The following SIPA1L1 variants were observed in gnomAD, a reference collection of about 807,000 sequenced individuals.
SIPA1L1 encodes signal induced proliferation associated 1 like 1, also known as signal-induced proliferation-associated 1-like protein 1.
SIPA1L1 carries 26 observed loss-of-function variants against 162.7 expected under a neutral mutation model. That is an observed-to-expected ratio of 0.16 (90% confidence interval 0.12 to 0.22). The LOEUF (loss-of-function observed/expected upper bound fraction) is 0.22, where lower values mean the gene tolerates loss of function less well. Ranked by LOEUF, SIPA1L1 falls within the 10% of genes least tolerant of loss-of-function variation. SIPA1L1 has a pLI of 1.00. For synonymous variants in SIPA1L1, 829 were observed against 837.4 expected (o/e 0.99, Z 0.17); for missense variants, 1,874 against 2,241.0 (o/e 0.84, Z 3.31).
At chr14:71,683,557 C>T (rs568492633) in intron 12 of SIPA1L1, among the ~76,000 whole-genome samples, 196 of 152,264 alleles carry the variant, frequency 1.3e-3, no homozygotes, top group African/African-American at 4.6e-3. Flanking sequence ...AAACGAAAGG[C>T]TGTAGTCACA....
intron 2 of SIPA1L1, among the ~76,000 whole-genome samples, chr14:71,355,594 G>T (rs992772645): frequency 3.9e-5 from 6 of 152,196 alleles, no homozygotes; most frequent in Non-Finnish European, 5.9e-5. Flanking sequence ...GATGTTTATT[G>T]TATCCTCTTC....
chr14:71,529,715 G>A (rs2053247009), intron 4 of SIPA1L1, among the ~76,000 whole-genome samples: 1 of 152,194 alleles, frequency 6.6e-6, no homozygotes, highest in African/African-American at 2.4e-5. Flanking sequence ...ATTAGGAGCA[G>A]TCTCATTTCT....
intron 19 of SIPA1L1, 56 bp downstream of exon 19, chr14:71,724,891 G>A (rs1262664420): frequency 6.7e-7 from 1 of 1,483,470 alleles, no homozygotes. Context: ...ACATGATGGG[G>A]CTATTAACCA....
intron 2 of SIPA1L1, among the ~76,000 whole-genome samples, chr14:71,442,202 A>G (rs1260102038): frequency 6.7e-6 from 1 of 150,010 alleles, no homozygotes; most frequent in Non-Finnish European, 1.5e-5. Context: ...AAAAAAAAGA[A>G]GTAACTTAAA....
chr14:71,685,252 GA>G lies in SIPA1L1; in HGVS notation c.3105-109del, dbSNP rs1283416509. 6.1e-5 allele frequency: 73 copies of G among 1,206,136 alleles called. 3 individuals are homozygous for G. The South Asian group carries it at 7.0e-4, about 12-fold the overall frequency. The allele number at this position is 1,206,136 out of a possible 1,614,324, so 74.7% of individuals were successfully genotyped here. Reference sequence around the variant, plus strand: ...AAAGATTGAAAGGTGGTTTGAAACAGAGGGTGAAATTGTGGATCCATTTTTA... The same window carrying G: ...AAAGATTGAAAGGTGGTTTGAAACAGGGGTGAAATTGTGGATCCATTTTTA... On this transcript the variant is annotated intron_variant, in intron 12 of 23. Coordinates refer to ENST00000381232, the MANE Select transcript of SIPA1L1 (RefSeq NM_001386936.1).
At chr14:71,636,908 G>A (rs938897013) in intron 7 of SIPA1L1, among the ~76,000 whole-genome samples, 1 of 151,720 alleles carries the variant, frequency 6.6e-6, no homozygotes, top group African/African-American at 2.4e-5. Flanking sequence ...AAAATTAGCC[G>A]GGCATGGTGG....
intron 2 of SIPA1L1, among the ~76,000 whole-genome samples, chr14:71,340,101 C>G (rs1021506250): frequency 6.6e-6 from 1 of 152,184 alleles, no homozygotes; most frequent in Non-Finnish European, 1.5e-5. Flanking sequence ...ACTTATAATT[C>G]GTTTTAAACA....
At chr14:71,339,897 C>T (rs1256222436) in intron 2 of SIPA1L1, among the ~76,000 whole-genome samples, 1 of 152,128 alleles carries the variant, frequency 6.6e-6, no homozygotes, top group African/African-American at 2.4e-5. Context: ...ATATTGAGTT[C>T]CTGTTACAGA....
At chr14:71,428,574 G>A (rs1482561453) in intron 2 of SIPA1L1, among the ~76,000 whole-genome samples, 1 of 152,028 alleles carries the variant, frequency 6.6e-6, no homozygotes, top group Non-Finnish European at 1.5e-5. Flanking sequence ...TTAATGTCTG[G>A]CCCTTAAAAG....
intron 20 of SIPA1L1, among the ~76,000 whole-genome samples, 198 bp downstream of exon 20, chr14:71,730,499 A>G (rs1276862631): frequency 2.0e-5 from 3 of 152,188 alleles, no homozygotes; most frequent in African/African-American, 7.2e-5. Flanking sequence ...CTTGCTAGAA[A>G]TAACAGATTC....
chr14:71,457,770 A>G (rs1182564395), intron 2 of SIPA1L1, among the ~76,000 whole-genome samples: 1 of 150,326 alleles, frequency 6.7e-6, no homozygotes, highest in Non-Finnish European at 1.5e-5. Flanking sequence ...AATTTTTTGT[A>G]TTTTTAGTAG....
At chr14:71,360,757 A>T (rs1292169168) in intron 2 of SIPA1L1, among the ~76,000 whole-genome samples, 1 of 152,236 alleles carries the variant, frequency 6.6e-6, no homozygotes, top group African/African-American at 2.4e-5. Flanking sequence ...TCTTAGAAGA[A>T]GTGTCAGCAA....
Position 71,385,211 on chromosome 14 carries a change from A to G in SIPA1L1, c.-465+64030A>G, listed in dbSNP as rs546857445. Among the ~76,000 whole-genome samples, 9 of 152,334 alleles carry G rather than the reference A, an allele frequency of 5.9e-5. No homozygotes were observed. The South Asian group carries it at 1.5e-3, about 25-fold the overall frequency. On this transcript the variant is annotated intron_variant, in intron 2 of 23. Transcript: ENST00000381232. ...TTGGTCGTGCTCTCAGAAGTGCCCAACAGGGTAGAGACAGTCTTCCTCAAC... is the reference window on the plus strand; with the variant it reads ...TTGGTCGTGCTCTCAGAAGTGCCCAGCAGGGTAGAGACAGTCTTCCTCAAC...
rs1196716946 is a variant in SIPA1L1, at chr14:71,529,380, A to G, written c.-303+10A>G. 2 of 665,384 alleles carry G rather than the reference A, an allele frequency of 3.0e-6. No individual in the cohort carries two copies. Among genetic ancestry groups the G allele is most frequent in the South Asian group, 3.3e-5 (2 of 60,172 alleles). 41.2% of individuals were successfully genotyped at this position (665,384 alleles called of 1,614,324 possible). On this transcript the variant is annotated intron_variant, in intron 4 of 23. Coordinates refer to ENST00000381232, the MANE Select transcript of SIPA1L1 (RefSeq NM_001386936.1). The stretch of plus-strand genomic sequence containing the variant: ...ATGGCACAAGAATATAGTAAGTACT[A>G]TGCCATACTTCCTATGACCTACCTG...
At chr14:71,536,548 A>C (rs979831182) in intron 4 of SIPA1L1, among the ~76,000 whole-genome samples, 2 of 152,196 alleles carry the variant, frequency 1.3e-5, no homozygotes, top group Admixed American at 6.5e-5. Flanking sequence ...AACAGTGTCT[A>C]TTTAGATTTT....
At chr14:71,473,206 A>G (rs2047600087) in intron 2 of SIPA1L1, among the ~76,000 whole-genome samples, 1 of 152,214 alleles carries the variant, frequency 6.6e-6, no homozygotes, top group African/African-American at 2.4e-5. Context: ...TAAGTGTAAT[A>G]AGATATAAAC....
chr14:71,400,072 G>T (rs1169122639), intron 2 of SIPA1L1, among the ~76,000 whole-genome samples: 1 of 151,492 alleles, frequency 6.6e-6, no homozygotes, highest in Non-Finnish European at 1.5e-5. Context: ...CTGCCTGCCT[G>T]CCTTCACCTC....
chr14:71,461,859 G>A (rs1322834129), intron 2 of SIPA1L1, among the ~76,000 whole-genome samples: 1 of 152,142 alleles, frequency 6.6e-6, no homozygotes, highest in Non-Finnish European at 1.5e-5. Context: ...CTGTGAACAG[G>A]CCCTAGTCTT....
intron 4 of SIPA1L1, among the ~76,000 whole-genome samples, chr14:71,543,217 C>CT (rs1175284453): frequency 6.6e-6 from 1 of 152,116 alleles, no homozygotes; most frequent in Non-Finnish European, 1.5e-5. Flanking sequence ...TCTTTTTTAT[C>CT]TTTATTCTTA....
Sources: gnomAD v4.1 joint callset for allele counts (sites outside exome capture counted in the v4.1 genomes callset) on GRCh38, gnomAD v4.1.1 for gene constraint, MANE v1.5 for transcripts, NCBI Gene and HGNC (gene_info 2026-07-23, HGNC 2026-07-21) for gene names.